HAO1: variants seen among roughly 807,000 people sequenced by gnomAD.
HAO1 encodes the protein 2-Hydroxyacid oxidase 1.
A neutral mutation model predicts 39.7 loss-of-function variants in HAO1; 34 were observed. The observed-to-expected ratio is 0.86, with a 90% CI of 0.65 to 1.14. The LOEUF (loss-of-function observed/expected upper bound fraction) is 1.14. Ranked by LOEUF, HAO1 falls within the 50% of genes most tolerant of loss-of-function variation. The pLI is 0.00. For synonymous variants in HAO1, 172 were observed against 173.2 expected, an observed-to-expected ratio of 0.99 and a Z score of 0.05; for missense variants, 479 against 464.5, an observed-to-expected ratio of 1.03 and a Z score of -0.29.
chr20:7,922,330 CCCT>C (rs2050337352), intron 2 of HAO1, among the ~76,000 whole-genome samples: 1 of 152,002 alleles, frequency 6.6e-6, no homozygotes, highest in Non-Finnish European at 1.5e-5. Context: ...GAAAAGGGAA[CCCT>C]TGTGGAGAAA....
intron 2 of HAO1, among the ~76,000 whole-genome samples, chr20:7,925,300 T>C (rs2423334): frequency 0.56 from 85,375 of 152,054 alleles, 27,167 homozygotes; most frequent in East Asian, 0.99. Flanking sequence ...AGAAACCAGA[T>C]TTAATCGTTG....
Position 7,883,382 on chromosome 20 carries a change from A to G in HAO1, c.*211T>C. 3.6e-6 allele frequency: 2 copies of G among 553,162 alleles called. No individual in the cohort carries two copies. The highest frequency in any genetic ancestry group is 5.7e-5 in the East Asian group (2 of 35,310). The allele number at this position is 553,162 out of a possible 1,614,324, so 34.3% of individuals were successfully genotyped here. On this transcript the variant is annotated 3_prime_UTR_variant, in exon 8 of 8. Transcript: ENST00000378789. ...TAACAGTTAATATATTTCCAGGATG[A>G]AAGTCCATTTCTTTCTAAAAGGTTC...
intron 2 of HAO1, among the ~76,000 whole-genome samples, chr20:7,925,944 C>G (rs1183245875): frequency 6.6e-6 from 1 of 152,096 alleles, no homozygotes; most frequent in Non-Finnish European, 1.5e-5. Flanking sequence ...ACTGAAGCCA[C>G]TATTTATATG....
chr20:7,908,249 G>A (rs767355267), intron 3 of HAO1, among the ~76,000 whole-genome samples: 25 of 152,064 alleles, frequency 1.6e-4, no homozygotes, highest in South Asian at 1.0e-3. Context: ...AAAATTAGCC[G>A]GACATAGTGG....
At chr20:7,894,602 C>T (rs901643616) in intron 5 of HAO1, among the ~76,000 whole-genome samples, 1 of 152,152 alleles carries the variant, frequency 6.6e-6, no homozygotes, top group Admixed American at 6.6e-5. Context: ...GCTCACTTCC[C>T]GTTGCCCGGA....
chr20:7,885,753 T>G lies in HAO1; in HGVS notation c.925A>C (p.Lys309Gln). ...ATTGGTCTCCCCACAAACACAGCCT[T>G]GGCGCCAAGAGCCAGAGCTTTCAGA... ...DVLKALALGA[K>Q]AVFVGRPIVW... The change falls in exon 6 of 8, where the codon AAG becomes CAG. Residue 309 changes from lysine to glutamine, a missense_variant. Physicochemically the swap from Lys to Gln is moderately conservative, Grantham distance 53. Transcript: ENST00000378789. 2 of 1,613,864 alleles carry G rather than the reference T, an allele frequency of 1.2e-6. No individual in the cohort carries two copies. Among genetic ancestry groups the G allele is most frequent in the South Asian group, 2.2e-5 (2 of 91,080 alleles).
intron 2 of HAO1, among the ~76,000 whole-genome samples, chr20:7,931,413 G>C (rs1264956503): frequency 3.9e-5 from 6 of 152,132 alleles, no homozygotes; most frequent in Admixed American, 3.3e-4. Context: ...GAGGAGCCCA[G>C]ATTCTGGAGA....
At chr20:7,922,383 C>T (rs1025968634) in intron 2 of HAO1, among the ~76,000 whole-genome samples, 9 of 152,076 alleles carry the variant, frequency 5.9e-5, no homozygotes, top group African/African-American at 9.7e-5. Context: ...TTAGTACAGA[C>T]ATTTTGAAAA....
rs1327720236 is a variant in HAO1 at position 7,940,415 on chromosome 20, G to T, written c.8C>A (p.Pro3His). 1 of 1,605,822 alleles carries T rather than the reference G, an allele frequency of 6.2e-7. No homozygotes were observed. The highest frequency in any genetic ancestry group is 1.7e-5 in the Admixed American group (1 of 58,304). ...ATAATCATTGATACAAATTAGCCGG[G>T]GGAGCATTTTCACAGGTTATTGCTA... ML[P>H]RLICINDYEQ... is the part of the protein sequence containing the mutation. The change falls in exon 1 of 8, where the codon CCC becomes CAC. Residue 3 changes from proline (P) to histidine (H), a missense_variant. Transcript: ENST00000378789.
chr20:7,906,863 A>G (rs1297806603), intron 3 of HAO1, among the ~76,000 whole-genome samples: 6 of 152,370 alleles, frequency 3.9e-5, no homozygotes, highest in Non-Finnish European at 8.8e-5. Flanking sequence ...GAACTAGCTA[A>G]TAGCAGTATT....
chr20:7,883,322 G>A lies in HAO1; in HGVS notation c.*271C>T. 2 of 456,868 alleles carry A rather than the reference G, an allele frequency of 4.4e-6. No homozygotes were observed. Among genetic ancestry groups the A allele is most frequent in the South Asian group, 3.0e-5 (1 of 33,638 alleles). 28.3% of individuals were successfully genotyped at this position (456,868 alleles called of 1,614,324 possible). On this transcript the variant is annotated 3_prime_UTR_variant, in exon 8 of 8. Transcript: ENST00000378789. Reference sequence around the variant, plus strand: ...ACAGCACTTTAGCCTGCCAGGGGATGACGTTGTCTAAACACATTTTCAATG... The same window carrying A: ...ACAGCACTTTAGCCTGCCAGGGGATAACGTTGTCTAAACACATTTTCAATG...
intron 4 of HAO1, among the ~76,000 whole-genome samples, chr20:7,900,410 G>A (rs927665214): frequency 4.6e-5 from 7 of 152,026 alleles, no homozygotes; most frequent in Admixed American, 2.6e-4. Context: ...TGGCAACCCC[G>A]CATCAAGCAA....
chr20:7,926,082 C>T lies in HAO1; in HGVS notation c.289+8402G>A, dbSNP rs529519155. Among the ~76,000 whole-genome samples the T allele has an allele frequency of 9.2e-5, 14 of 152,030 alleles. No individual in the cohort carries two copies. In the East Asian group the frequency reaches 2.3e-3, roughly 25 times the overall value. On this transcript the variant is annotated intron_variant, in intron 2 of 7. Transcript: ENST00000378789. ...TTGTGTGTGTGTGTGTGAGTGCTTA[C>T]ACACAGAAAGAGCATGTCACTGACT... is the stretch of plus-strand genomic sequence containing the variant.
chr20:7,902,668 A>T (rs376680242), intron 4 of HAO1, among the ~76,000 whole-genome samples: 2 of 152,206 alleles, frequency 1.3e-5, no homozygotes, highest in Non-Finnish European at 2.9e-5. Context: ...TCTCAGAAAC[A>T]CAAAGCCACA....
intron 7 of HAO1, 105 bp downstream of exon 7, chr20:7,885,416 C>T: frequency 1.3e-6 from 1 of 760,584 alleles, no homozygotes. Context: ...TTAATGTACT[C>T]AAATGATCCC....
At chr20:7,919,537 T>G (rs780912001) in intron 2 of HAO1, among the ~76,000 whole-genome samples, 3 of 152,120 alleles carry the variant, frequency 2.0e-5, no homozygotes, top group Non-Finnish European at 4.4e-5. Flanking sequence ...AAACTTTCAT[T>G]TCAGAACAAC....
chr20:7,909,360 CATATATATATATATATATGTAT>C lies in HAO1; in HGVS notation c.546-3053_546-3032del, dbSNP rs1297009645. On this transcript the variant is annotated intron_variant, in intron 3 of 7. Coordinates refer to ENST00000378789, the MANE Select transcript of HAO1 (RefSeq NM_017545.3). ...AATGCTATTTTTATTCGGATTATGA[CATATATATATATATATATGTAT>C]ATATATATATATATATATATATGCT... 2.1e-3 allele frequency among the ~76,000 whole-genome samples: 225 copies of C among 109,078 alleles called. 3 individuals carry two copies. The highest frequency in any genetic ancestry group is 8.9e-3 in the African/African-American group (198 of 22,176). The allele number at this position is 109,078 out of a possible 152,430, so 71.6% of individuals were successfully genotyped here. A position where few individuals can be genotyped will look rare whatever the true frequency, so the allele number is the denominator to read the frequency against.
chr20:7,902,575 T>C (rs1406126678), intron 4 of HAO1, among the ~76,000 whole-genome samples: 1 of 152,228 alleles, frequency 6.6e-6, no homozygotes, highest in African/African-American at 2.4e-5. Context: ...ATTATGTGAC[T>C]TGCTTTATTG....
intron 2 of HAO1, among the ~76,000 whole-genome samples, chr20:7,921,617 G>A (rs1229071193): frequency 6.6e-6 from 1 of 151,982 alleles, no homozygotes; most frequent in African/African-American, 2.4e-5. Context: ...TATTCCCAAA[G>A]GACAATAAGT....
Sources: gnomAD v4.1 joint callset for allele counts (sites outside exome capture counted in the v4.1 genomes callset) on GRCh38, gnomAD v4.1.1 for gene constraint, MANE v1.5 for transcripts, NCBI Gene and HGNC (gene_info 2026-07-23, HGNC 2026-07-21) for gene names.